The following NELL1 variants were observed in gnomAD, a reference collection of about 807,000 sequenced individuals.
The protein encoded by NELL1 is neural EGFL like 1.
A neutral mutation model predicts 107.4 loss-of-function variants in NELL1; 76 were observed. The ratio of observed to expected loss-of-function variants is 0.71; its 90% CI spans 0.59 to 0.86. The LOEUF (loss-of-function observed/expected upper bound fraction) is 0.86. Ranked by LOEUF, NELL1 falls within the 40% of genes least tolerant of loss-of-function variation. The pLI is 0.00. For missense variants in NELL1, 1,024 were observed against 1,005.5 expected (o/e 1.02, Z -0.25); for synonymous variants, 353 against 341.2 (o/e 1.03, Z -0.38).
chr11:21,012,003 C>A (rs994238047), intron 12 of NELL1, among the ~76,000 whole-genome samples: 5 of 152,114 alleles, frequency 3.3e-5, no homozygotes, highest in African/African-American at 1.2e-4. Flanking sequence ...GGGTGCCAAC[C>A]ACTGCGCTAA....
chr11:21,252,728 G>A lies in NELL1; in HGVS notation c.1549+23274G>A, dbSNP rs539653548. On this transcript the variant is annotated intron_variant, in intron 14 of 19. Transcript: ENST00000357134. ...TTTGAGGTTTTGCTTTCATTTATAT[G>A]TTTAATCTTTTAGTAGAGCTATCCA... Among the ~76,000 whole-genome samples the A allele has an allele frequency of 7.9e-5, 12 of 152,214 alleles. No homozygotes were observed. In the South Asian group the frequency reaches 2.5e-3, roughly 32 times the overall value.
At chr11:21,096,031 G>A (rs78572137) in intron 12 of NELL1, among the ~76,000 whole-genome samples, 1 of 152,082 alleles carries the variant, frequency 6.6e-6, no homozygotes, top group Non-Finnish European at 1.5e-5. Flanking sequence ...GGAAAGTCTT[G>A]CCCCCATGAT....
intron 2 of NELL1, among the ~76,000 whole-genome samples, chr11:20,721,728 A>C (rs1855393294): frequency 6.6e-6 from 1 of 152,168 alleles, no homozygotes; most frequent in Admixed American, 6.6e-5. Flanking sequence ...AAGTTCGGGG[A>C]GATAGTAGAC....
intron 18 of NELL1, among the ~76,000 whole-genome samples, chr11:21,572,471 T>C (rs78021331): frequency 0.11 from 16,291 of 151,786 alleles, 2,875 homozygotes; most frequent in African/African-American, 0.37. Flanking sequence ...AACAATTAAA[T>C]AAGTTGCCAT....
chr11:20,695,000 G>A (rs1472440068), intron 2 of NELL1, among the ~76,000 whole-genome samples: 1 of 151,982 alleles, frequency 6.6e-6, no homozygotes, highest in African/African-American at 2.4e-5. Flanking sequence ...CTTGTAGAGA[G>A]CTTTCACCTC....
intron 15 of NELL1, among the ~76,000 whole-genome samples, chr11:21,521,877 T>C (rs1461659769): frequency 1.3e-5 from 2 of 152,246 alleles, no homozygotes; most frequent in Admixed American, 6.5e-5. Flanking sequence ...TCTTTTCATA[T>C]ACTTTTGGTC....
At chr11:20,861,268 A>G (rs924944289) in intron 4 of NELL1, among the ~76,000 whole-genome samples, 3 of 152,122 alleles carry the variant, frequency 2.0e-5, no homozygotes, top group African/African-American at 7.2e-5. Flanking sequence ...TTTTCTCCAT[A>G]ATGATATAGC....
At chr11:21,104,880 C>G (rs1427307110) in intron 12 of NELL1, among the ~76,000 whole-genome samples, 1 of 152,168 alleles carries the variant, frequency 6.6e-6, no homozygotes, top group Non-Finnish European at 1.5e-5. Context: ...CATGAATGCT[C>G]TCTCTGACTT....
chr11:21,520,975 A>G lies in NELL1; in HGVS notation c.1646-13399A>G, dbSNP rs78930886. Among the ~76,000 whole-genome samples, 352 of 152,364 alleles carry G rather than the reference A, an allele frequency of 2.3e-3. 1 individual carries two copies. Among genetic ancestry groups the G allele is most frequent in the African/African-American group, 8.2e-3 (343 of 41,586 alleles). On this transcript the variant is annotated intron_variant, in intron 15 of 19. Coordinates refer to ENST00000357134, the MANE Select transcript of NELL1 (RefSeq NM_006157.5). Reference sequence around the variant, plus strand: ...ATTTCTTTCAGTTCAATAGAGTCCTATGGTTACCCTTATGTTGGTACTAAT... The same window carrying G: ...ATTTCTTTCAGTTCAATAGAGTCCTGTGGTTACCCTTATGTTGGTACTAAT...
At chr11:20,755,569 T>A (rs1373621611) in intron 2 of NELL1, among the ~76,000 whole-genome samples, 64 of 124,168 alleles carry the variant, frequency 5.2e-4, no homozygotes, top group South Asian at 4.3e-3. Flanking sequence ...TTTGTTTTTT[T>A]TTTTTTGAGA....
chr11:20,895,258 C>T (rs1477990746), intron 5 of NELL1, among the ~76,000 whole-genome samples: 4 of 72,834 alleles, frequency 5.5e-5, no homozygotes, highest in Non-Finnish European at 9.2e-5. Context: ...GGCGACAGAG[C>T]GAGACTCCGT....
chr11:21,454,271 T>C (rs564711403), intron 15 of NELL1, among the ~76,000 whole-genome samples: 21 of 150,554 alleles, frequency 1.4e-4, no homozygotes, highest in Non-Finnish European at 2.8e-4. Context: ...TCATTTTTTA[T>C]GGCTGCATAG....
At chr11:21,397,735 A>G (rs1852012507) in intron 15 of NELL1, among the ~76,000 whole-genome samples, 1 of 151,642 alleles carries the variant, frequency 6.6e-6, no homozygotes, top group Non-Finnish European at 1.5e-5. Flanking sequence ...TTCACCCTCA[A>G]AGGGATAGTA....
intron 14 of NELL1, among the ~76,000 whole-genome samples, chr11:21,242,230 T>A (rs1858381650): frequency 6.6e-6 from 1 of 152,132 alleles, no homozygotes; most frequent in African/African-American, 2.4e-5. Context: ...TAACAGCTAA[T>A]GGTGAGAGTG....
At chr11:20,706,517 G>T (rs1213508331) in intron 2 of NELL1, among the ~76,000 whole-genome samples, 1 of 144,874 alleles carries the variant, frequency 6.9e-6, no homozygotes, top group African/African-American at 2.6e-5. Context: ...GGGGACTGTT[G>T]TGGGGTTGGG....
At position 21,570,776 on chromosome 11, in the gene NELL1, T is replaced by C. The variant is rs370387824; in HGVS notation, c.1993T>C (p.Phe665Leu). 16 of 1,611,252 alleles carry C rather than the reference T, an allele frequency of 9.9e-6. No homozygotes were observed. Among genetic ancestry groups the C allele is most frequent in the Non-Finnish European group, 1.2e-5 (14 of 1,178,394 alleles). The change falls in exon 18 of 20, where the codon TTC (phenylalanine) becomes CTC (leucine). Residue 665 changes from phenylalanine (F) to leucine (L), a missense_variant. Physicochemically the swap from Phe to Leu is conservative, Grantham distance 22. Coordinates refer to ENST00000357134, the MANE Select transcript of NELL1 (RefSeq NM_006157.5). ...CATTTCTAAACAGGATGGCAAGATA[T>C]TCTGCCGACGGACAGCTTGTGATTG... The part of the protein sequence containing the change: ...SVCSCKDGKI[F>L]CRRTACDCQN...
chr11:21,184,668 A>G (rs1471374752), intron 13 of NELL1, among the ~76,000 whole-genome samples: 1 of 151,966 alleles, frequency 6.6e-6, no homozygotes, highest in Non-Finnish European at 1.5e-5. Context: ...ACTATAAAAG[A>G]ATACTAGTTT....
intron 4 of NELL1, among the ~76,000 whole-genome samples, chr11:20,874,257 G>A (rs190436762): frequency 0.011 from 1,651 of 152,004 alleles, 11 homozygotes; most frequent in Middle Eastern, 0.028. Context: ...TAGTAGAGTC[G>A]AGGTTTCATC....
At chr11:21,425,928 A>G (rs1321767435) in intron 15 of NELL1, among the ~76,000 whole-genome samples, 1 of 152,220 alleles carries the variant, frequency 6.6e-6, no homozygotes, top group South Asian at 2.1e-4. Context: ...AGTATAAGAA[A>G]GCTGTTTATA....
Sources: allele counts gnomAD v4.1 joint callset (sites outside exome capture counted in the v4.1 genomes callset), GRCh38; gene constraint gnomAD v4.1.1; transcripts MANE v1.5; gene names NCBI Gene and HGNC (gene_info 2026-07-23, HGNC 2026-07-21).